The following RIGI variants were observed in gnomAD, a reference collection of about 807,000 sequenced individuals.
The protein encoded by RIGI is antiviral innate immune response receptor RIG-I.
chr9:32,477,238 G>C, the RIGI span: 69 of 1,308,472 alleles, frequency 5.3e-5, no homozygotes, highest in Non-Finnish European at 3.1e-6. Context: ...TCTTTGACCA[G>C]AATTTTATGA....
the RIGI span, among the ~76,000 whole-genome samples, chr9:32,479,858 A>G: frequency 7.2e-5 from 11 of 151,984 alleles, no homozygotes; most frequent in African/African-American, 2.4e-4. Flanking sequence ...AAAAGTATAC[A>G]TAAATTATGG....
chr9:32,492,277 G>A, the RIGI span: 3,574 of 1,160,574 alleles, frequency 3.1e-3, 7 homozygotes, highest in Non-Finnish European at 3.7e-3. Flanking sequence ...CTGGTCTCGC[G>A]TTAGAGATGT....
the RIGI span, among the ~76,000 whole-genome samples, chr9:32,469,795 A>G: frequency 1.3e-5 from 2 of 152,214 alleles, no homozygotes; most frequent in East Asian, 1.9e-4. Flanking sequence ...TGGTGGCTCA[A>G]ACAATATGCG....
chr9:32,473,123 C>A, the RIGI span: 7 of 1,275,106 alleles, frequency 5.5e-6, no homozygotes, highest in African/African-American at 1.5e-5. Context: ...TGTATTAATT[C>A]AATATTGAAA....
At chr9:32,459,974 C>G in the RIGI span, among the ~76,000 whole-genome samples, 1 of 146,552 alleles carries the variant, frequency 6.8e-6, no homozygotes, top group African/African-American at 2.6e-5. Context: ...ACCCAAATCT[C>G]AACTTGAATT....
the RIGI span, chr9:32,459,467 T>G: frequency 1.2e-6 from 2 of 1,613,414 alleles, no homozygotes; most frequent in South Asian, 2.2e-5. Flanking sequence ...GTTTTGGTTT[T>G]TCTTGACTAT....
At chr9:32,468,079 G>A in the RIGI span, 1 of 673,048 alleles carries the variant, frequency 1.5e-6, no homozygotes, top group South Asian at 3.1e-5. Flanking sequence ...CACCTAGGCA[G>A]TGGGATCTAT....
the RIGI span, among the ~76,000 whole-genome samples, chr9:32,510,834 AG>A: frequency 6.6e-6 from 1 of 152,176 alleles, no homozygotes; most frequent in Non-Finnish European, 1.5e-5. Context: ...TGCTGTATTC[AG>A]GAGACCCATC....
chr9:32,481,207 TA>T, the RIGI span: 1 of 874,426 alleles, frequency 1.1e-6, no homozygotes, highest in Non-Finnish European at 1.7e-6. Flanking sequence ...GTTTGCTTCA[TA>T]AGAACTTTCT....
the RIGI span, among the ~76,000 whole-genome samples, chr9:32,525,762 CAGT>C: frequency 6.6e-6 from 1 of 150,692 alleles, no homozygotes; most frequent in Non-Finnish European, 1.5e-5. Context: ...GCCAAGCACA[CAGT>C]AGACTTTAAT....
At chr9:32,504,748 A>AT in the RIGI span, among the ~76,000 whole-genome samples, 15 of 138,398 alleles carry the variant, frequency 1.1e-4, no homozygotes, top group East Asian at 4.2e-4. Flanking sequence ...TTTAATACAT[A>AT]AAATATATAA....
At chr9:32,524,602 T>G in the RIGI span, among the ~76,000 whole-genome samples, 4 of 121,900 alleles carry the variant, frequency 3.3e-5, no homozygotes, top group African/African-American at 9.8e-5. Flanking sequence ...TTCGGTTTTT[T>G]TTTTTTTTTT....
At chr9:32,476,549 A>C in the RIGI span, among the ~76,000 whole-genome samples, 2 of 152,154 alleles carry the variant, frequency 1.3e-5, no homozygotes, top group Non-Finnish European at 1.5e-5. Context: ...TTAGAGTATT[A>C]GTATAAGGAT....
chr9:32,487,984 T>C, the RIGI span: 1 of 1,614,144 alleles, frequency 6.2e-7, no homozygotes, highest in Non-Finnish European at 8.5e-7. Flanking sequence ...GTTTCTGATC[T>C]AGATAATTAA....
chr9:32,473,626 A>C, the RIGI span, among the ~76,000 whole-genome samples: 2 of 152,196 alleles, frequency 1.3e-5, no homozygotes, highest in African/African-American at 2.4e-5. Context: ...AAGTTCAAAA[A>C]TAGTGGGTAT....
chr9:32,513,235 G>T, the RIGI span, among the ~76,000 whole-genome samples: 1 of 151,982 alleles, frequency 6.6e-6, no homozygotes, highest in Non-Finnish European at 1.5e-5. Context: ...AAGTTCATAT[G>T]GAACCAAAAA....
At chr9:32,521,346 G>A in the RIGI span, among the ~76,000 whole-genome samples, 4 of 152,182 alleles carry the variant, frequency 2.6e-5, no homozygotes, top group African/African-American at 7.2e-5. Context: ...ACTGTGGGGG[G>A]AAGAAAAGGA....
At chr9:32,514,297 T>G in the RIGI span, among the ~76,000 whole-genome samples, 3 of 152,076 alleles carry the variant, frequency 2.0e-5, no homozygotes, top group African/African-American at 7.2e-5. Context: ...GCGGCATTGT[T>G]CACAACAGCA....
At chr9:32,480,226 T>C in the RIGI span, 6 of 1,595,684 alleles carry the variant, frequency 3.8e-6, no homozygotes, top group African/African-American at 8.0e-5. Context: ...CACCTTCAAA[T>C]CTCTGAGTAA....
Sources: gnomAD v4.1 joint callset for allele counts (sites outside exome capture counted in the v4.1 genomes callset) on GRCh38, gnomAD v4.1.1 for gene constraint, MANE v1.5 for transcripts, NCBI Gene and HGNC (gene_info 2026-07-23, HGNC 2026-07-21) for gene names.